MEOX2: variants seen among roughly 807,000 people sequenced by gnomAD.
The protein encoded by MEOX2 is mesenchyme homeobox 2.
MEOX2 carries 11 observed loss-of-function variants against 27.0 expected under a neutral mutation model. The ratio of observed to expected loss-of-function variants is 0.41; its 90% CI spans 0.26 to 0.68. MEOX2 has a LOEUF of 0.68. MEOX2 is among the 30% of genes least tolerant of loss of function. MEOX2 has a pLI of 0.33. For missense variants in MEOX2, 436 were observed against 385.4 expected, an observed-to-expected ratio of 1.13 and a Z score of -1.10; for synonymous variants, 189 against 155.4, an observed-to-expected ratio of 1.22 and a Z score of -1.61.
chr7:15,651,946 G>A (rs1374776153), intron 1 of MEOX2, among the ~76,000 whole-genome samples: 1 of 151,942 alleles, frequency 6.6e-6, no homozygotes, highest in Non-Finnish European at 1.5e-5. Flanking sequence ...ACAACTGAAT[G>A]TTAACAAGCA....
intron 1 of MEOX2, among the ~76,000 whole-genome samples, chr7:15,660,443 G>C (rs1583776884): frequency 6.6e-6 from 1 of 151,774 alleles, no homozygotes; most frequent in Admixed American, 6.6e-5. Flanking sequence ...GGATTTTTCA[G>C]CTTTGGCACT....
intron 1 of MEOX2, among the ~76,000 whole-genome samples, chr7:15,656,318 G>A (rs1227405991): frequency 1.3e-5 from 2 of 151,714 alleles, no homozygotes; most frequent in Non-Finnish European, 3.0e-5. Context: ...ATCAATCTCT[G>A]ACTTTTAATT....
intron 1 of MEOX2, among the ~76,000 whole-genome samples, chr7:15,636,964 C>T (rs558670825): frequency 6.6e-6 from 1 of 152,110 alleles, no homozygotes; most frequent in South Asian, 2.1e-4. Flanking sequence ...AAAGGCCTCA[C>T]CTGCCAGCAC....
intron 1 of MEOX2, among the ~76,000 whole-genome samples, chr7:15,644,561 A>C (rs1392353215): frequency 6.6e-6 from 1 of 152,176 alleles, no homozygotes; most frequent in Non-Finnish European, 1.5e-5. Context: ...GATCTGCAGC[A>C]CAGCCTTTCC....
At chr7:15,665,876 A>C (rs1781995992) in intron 1 of MEOX2, among the ~76,000 whole-genome samples, 1 of 152,108 alleles carries the variant, frequency 6.6e-6, no homozygotes, top group South Asian at 2.1e-4. Flanking sequence ...TTAAATGTTC[A>C]AACAGCAGAT....
intron 1 of MEOX2, among the ~76,000 whole-genome samples, chr7:15,664,227 A>C (rs1441303434): frequency 6.6e-6 from 1 of 152,154 alleles, no homozygotes; most frequent in African/African-American, 2.4e-5. Context: ...TTTTAAATTT[A>C]ATTTTGGGAT....
chr7:15,642,340 C>T (rs1193966475), intron 1 of MEOX2, among the ~76,000 whole-genome samples: 1 of 152,054 alleles, frequency 6.6e-6, no homozygotes, highest in Admixed American at 6.6e-5. Flanking sequence ...TTTTGTCTGA[C>T]TGAGATAATT....
intron 1 of MEOX2, among the ~76,000 whole-genome samples, chr7:15,651,295 T>A (rs1781729455): frequency 6.6e-6 from 1 of 151,988 alleles, no homozygotes; most frequent in African/African-American, 2.4e-5. Context: ...CCATAGTAAT[T>A]AATATATATA....
chr7:15,623,179 A>T (rs1470137550), intron 2 of MEOX2, among the ~76,000 whole-genome samples: 1 of 152,232 alleles, frequency 6.6e-6, no homozygotes, highest in Non-Finnish European at 1.5e-5. Context: ...TTAAAACCCC[A>T]ACCTCCAGAA....
intron 1 of MEOX2, among the ~76,000 whole-genome samples, chr7:15,682,667 T>C (rs1468078134): frequency 6.6e-6 from 1 of 151,906 alleles, no homozygotes; most frequent in Non-Finnish European, 1.5e-5. Context: ...TAATTTTAGT[T>C]ATTTTAACTA....
At chr7:15,616,595 T>G (rs1781127013) in intron 2 of MEOX2, among the ~76,000 whole-genome samples, 1 of 151,944 alleles carries the variant, frequency 6.6e-6, no homozygotes, top group Non-Finnish European at 1.5e-5. Flanking sequence ...GAAAAAAACT[T>G]TTAGTTTTTG....
chr7:15,625,367 G>A (rs899188664), intron 2 of MEOX2, among the ~76,000 whole-genome samples: 2 of 152,172 alleles, frequency 1.3e-5, no homozygotes, highest in Admixed American at 1.3e-4. Flanking sequence ...GAAGGAAAAT[G>A]CTGTGCTCCA....
At position 15,665,742 on chromosome 7, in the gene MEOX2, T is replaced by A. The variant is rs186140221; in HGVS notation, c.517+20144A>T. Among the ~76,000 whole-genome samples, 307 of 152,328 alleles carry A rather than the reference T, an allele frequency of 2.0e-3. 1 individual carries two copies. The highest frequency in any genetic ancestry group is 3.4e-3 in the Middle Eastern group (1 of 294). On this transcript the variant is annotated intron_variant, in intron 1 of 2. Transcript: ENST00000262041. Reference sequence around the variant, plus strand: ...TCAAGTGGACATCAGTAATGTAACATTAATTTTGCTAGACTAGGAAAGTAG... The same window carrying A: ...TCAAGTGGACATCAGTAATGTAACAATAATTTTGCTAGACTAGGAAAGTAG...
Position 15,611,269 on chromosome 7 carries a change from GT to G in MEOX2, c.*1117del, listed in dbSNP as rs1469329752. On this transcript the variant is annotated 3_prime_UTR_variant, in exon 3 of 3. Coordinates refer to ENST00000262041, the MANE Select transcript of MEOX2 (RefSeq NM_005924.5). ...TTAAAAACAAAATACAAAGATAGTT[GT>G]TCTGCATGAATACATCACATATGAA... 1 of 152,102 alleles carries G rather than the reference GT, an allele frequency of 6.6e-6. No individual in the cohort carries two copies. The highest frequency in any genetic ancestry group is 2.4e-5 in the African/African-American group (1 of 41,420). 9.4% of individuals were successfully genotyped at this position (152,102 alleles called of 1,614,324 possible).
intron 1 of MEOX2, among the ~76,000 whole-genome samples, chr7:15,648,444 T>C (rs1357232089): frequency 4.6e-5 from 7 of 152,012 alleles, no homozygotes; most frequent in Non-Finnish European, 1.0e-4. Context: ...AAAGAGAGAT[T>C]GTATCTGGAA....
chr7:15,654,035 A>G (rs538749637), intron 1 of MEOX2, among the ~76,000 whole-genome samples: 1 of 151,956 alleles, frequency 6.6e-6, no homozygotes, highest in African/African-American at 2.4e-5. Flanking sequence ...TTTCCAGTCC[A>G]TAAACACAAT....
intron 1 of MEOX2, among the ~76,000 whole-genome samples, chr7:15,638,415 G>A (rs780760582): frequency 3.9e-5 from 6 of 152,046 alleles, no homozygotes; most frequent in Non-Finnish European, 7.4e-5. Flanking sequence ...AAAATACTTT[G>A]TTTTATTTAG....
chr7:15,682,662 TTA>T (rs1402585572), intron 1 of MEOX2, among the ~76,000 whole-genome samples: 1 of 151,924 alleles, frequency 6.6e-6, no homozygotes, highest in Non-Finnish European at 1.5e-5. Flanking sequence ...TGAATTAATT[TTA>T]GTTATTTTAA....
At chr7:15,652,274 A>T (rs1224956200) in intron 1 of MEOX2, among the ~76,000 whole-genome samples, 2 of 152,102 alleles carry the variant, frequency 1.3e-5, no homozygotes, top group East Asian at 3.8e-4. Context: ...GAACCCTGTC[A>T]TAAAGTAGAA....
Sources: allele counts gnomAD v4.1 joint callset (sites outside exome capture counted in the v4.1 genomes callset), GRCh38; gene constraint gnomAD v4.1.1; transcripts MANE v1.5; gene names NCBI Gene and HGNC (gene_info 2026-07-23, HGNC 2026-07-21).